LRIG1: variants seen among roughly 807,000 people sequenced by gnomAD.
The protein encoded by LRIG1 is leucine-rich repeats and immunoglobulin-like domains protein 1.
LRIG1 carries 48 observed loss-of-function variants against 99.2 expected under a neutral mutation model. The observed-to-expected ratio is 0.48, with a 90% CI of 0.38 to 0.62. The LOEUF (loss-of-function observed/expected upper bound fraction) is 0.62, where lower values mean the gene tolerates loss of function less well. Among genes scored for constraint, LRIG1 ranks in the 20% least tolerant of loss-of-function variants. The pLI is 0.00. For synonymous variants in LRIG1, 772 were observed against 596.1 expected, an observed-to-expected ratio of 1.29 and a Z score of -4.30; for missense variants, 1,646 against 1,434.4, an observed-to-expected ratio of 1.15 and a Z score of -2.38.
rs1034743756 is a variant in LRIG1 at position 66,394,267 on chromosome 3, C to T, written c.1305-64G>A. The T allele has an allele frequency of 3.6e-6, 5 of 1,400,276 alleles. No homozygotes were observed. In the African/African-American group the frequency reaches 5.8e-5, roughly 16 times the overall value. The allele number at this position is 1,400,276 out of a possible 1,614,324, so 86.7% of individuals were successfully genotyped here. The stretch of plus-strand genomic sequence containing the variant: ...GCAAAGGAGGGACACTCCCTTCACA[C>T]ACACAATGATCAGTCGCCTCCAATC... On this transcript the variant is annotated intron_variant, in intron 11 of 18. Coordinates refer to ENST00000273261, the MANE Select transcript of LRIG1 (RefSeq NM_015541.3).
Position 66,382,508 on chromosome 3 carries a change from G to C in LRIG1, c.2492-110C>G. On this transcript the variant is annotated intron_variant, in intron 15 of 18. Coordinates refer to ENST00000273261, the MANE Select transcript of LRIG1 (RefSeq NM_015541.3). ...GATCCTCCCAGTGACGACCATCAGC[G>C]CTGTGCAGAGAGATGACATGGAGTC... The C allele has an allele frequency of 2.4e-6, 3 of 1,257,850 alleles. No individual in the cohort carries two copies. In the South Asian group the frequency reaches 3.8e-5, roughly 16 times the overall value. 77.9% of individuals were successfully genotyped at this position (1,257,850 alleles called of 1,614,324 possible). A position where few individuals can be genotyped will look rare whatever the true frequency, so the allele number is the denominator to read the frequency against.
chr3:66,494,538 A>C (rs1276041644), intron 1 of LRIG1, among the ~76,000 whole-genome samples: 1 of 152,250 alleles, frequency 6.6e-6, no homozygotes, highest in East Asian at 1.9e-4. Context: ...AACCCAGTGA[A>C]ATGGAGAAAC....
At chr3:66,417,559 A>C in intron 3 of LRIG1, 1 of 369,208 alleles carries the variant, frequency 2.7e-6, no homozygotes, top group Non-Finnish European at 5.1e-6. Context: ...GCATGACCTG[A>C]CCAGAATCCA....
At chr3:66,388,691 T>C (rs71621309) in intron 12 of LRIG1, among the ~76,000 whole-genome samples, 5,685 of 151,710 alleles carry the variant, frequency 0.037, 328 homozygotes, top group Admixed American at 0.15. Context: ...CAGAAGGCAG[T>C]AGGAAGATAT....
chr3:66,452,207 G>T (rs1239308515), intron 2 of LRIG1, among the ~76,000 whole-genome samples: 1 of 152,182 alleles, frequency 6.6e-6, no homozygotes, highest in African/African-American at 2.4e-5. Flanking sequence ...CATCCCCCAG[G>T]AAAATGAACA....
chr3:66,384,390 A>G, intron 13 of LRIG1, 118 bp from the exon 14 acceptor site: 1 of 1,137,614 alleles, frequency 8.8e-7, no homozygotes, highest in East Asian at 2.4e-5. Flanking sequence ...CTTTTCTCCC[A>G]ATGTCTGCCC....
chr3:66,409,877 A>G, intron 7 of LRIG1: 1 of 404,764 alleles, frequency 2.5e-6, no homozygotes, highest in Non-Finnish European at 4.4e-6. Context: ...GGCTCCCTGC[A>G]GGGACCTAGC....
intron 3 of LRIG1, among the ~76,000 whole-genome samples, chr3:66,425,828 T>A (rs1285795579): frequency 6.6e-6 from 1 of 152,200 alleles, no homozygotes; most frequent in Non-Finnish European, 1.5e-5. Context: ...AACCAACACC[T>A]GTTAAAGGCT....
At chr3:66,430,805 C>T (rs565204347) in intron 3 of LRIG1, among the ~76,000 whole-genome samples, 1 of 152,286 alleles carries the variant, frequency 6.6e-6, no homozygotes, top group African/African-American at 2.4e-5. Context: ...CCACATATGC[C>T]CACCTCTGGG....
At chr3:66,388,712 G>C (rs1301015163) in intron 12 of LRIG1, among the ~76,000 whole-genome samples, 1 of 151,998 alleles carries the variant, frequency 6.6e-6, no homozygotes, top group Admixed American at 6.6e-5. Context: ...TCAAATTACT[G>C]AAAGAAAAAC....
intron 3 of LRIG1, among the ~76,000 whole-genome samples, chr3:66,432,088 G>C (rs917402272): frequency 1.3e-5 from 2 of 152,220 alleles, no homozygotes; most frequent in African/African-American, 4.8e-5. Context: ...TAAGTGCAGA[G>C]CAGACTAAGA....
intron 12 of LRIG1, 135 bp from the exon 13 acceptor site, chr3:66,386,436 C>T (rs1701379449): frequency 1.4e-6 from 1 of 707,330 alleles, no homozygotes; most frequent in Non-Finnish European, 2.4e-6. Flanking sequence ...ATCCTCAGCC[C>T]CACCAACCAG....
chr3:66,384,432 C>G (rs1701261141), intron 13 of LRIG1, among the ~76,000 whole-genome samples, 160 bp from the exon 14 acceptor site: 1 of 152,144 alleles, frequency 6.6e-6, no homozygotes, highest in South Asian at 2.1e-4. Flanking sequence ...GAATCAGGAA[C>G]CCCCAGCTTC....
intron 1 of LRIG1, among the ~76,000 whole-genome samples, chr3:66,474,815 T>G (rs879331570): frequency 1.3e-5 from 2 of 152,228 alleles, no homozygotes; most frequent in Non-Finnish European, 2.9e-5. Flanking sequence ...AACCAAATAA[T>G]GAATACTGGT....
At chr3:66,436,493 G>A (rs183945724) in intron 3 of LRIG1, among the ~76,000 whole-genome samples, 33 of 152,238 alleles carry the variant, frequency 2.2e-4, no homozygotes, top group African/African-American at 6.0e-4. Context: ...TTCATGAAAC[G>A]ACCATTAACA....
intron 3 of LRIG1, among the ~76,000 whole-genome samples, chr3:66,434,633 G>C (rs1703286309): frequency 6.6e-6 from 1 of 151,954 alleles, no homozygotes; most frequent in African/African-American, 2.4e-5. Context: ...TGCAATCCCA[G>C]CTTCTGGGGA....
chr3:66,496,402 C>T (rs1014680116), intron 1 of LRIG1, among the ~76,000 whole-genome samples: 2 of 152,110 alleles, frequency 1.3e-5, no homozygotes, highest in African/African-American at 4.8e-5. Flanking sequence ...CTTTTTCTCA[C>T]GACAACCAAT....
At chr3:66,383,545 C>G (rs1357497150) in intron 14 of LRIG1, 144 bp from the exon 15 acceptor site, 15 of 750,806 alleles carry the variant, frequency 2.0e-5, no homozygotes, top group Non-Finnish European at 2.7e-5. Context: ...TTGGAGAAGA[C>G]CCTTCAACTC....
intron 1 of LRIG1, among the ~76,000 whole-genome samples, chr3:66,484,918 G>T (rs987985457): frequency 6.6e-6 from 1 of 152,128 alleles, no homozygotes; most frequent in Admixed American, 6.5e-5. Context: ...ATTTTGGGAG[G>T]CCGAGGCCAG....
Sources: gnomAD v4.1 joint callset for allele counts (sites outside exome capture counted in the v4.1 genomes callset) on GRCh38, gnomAD v4.1.1 for gene constraint, MANE v1.5 for transcripts, NCBI Gene and HGNC (gene_info 2026-07-23, HGNC 2026-07-21) for gene names.